Variants in PLCL1 observed in about 807,000 individuals in gnomAD.
PLCL1 encodes the protein inactive phospholipase C-like protein 1.
In PLCL1, 41 loss-of-function variants were observed where a neutral mutation model predicts 84.4. That is an observed-to-expected ratio of 0.49 (90% CI 0.38 to 0.63). The LOEUF (loss-of-function observed/expected upper bound fraction) is 0.63. Ranked by LOEUF, PLCL1 falls within the 30% of genes least tolerant of loss-of-function variation. The pLI, the probability that PLCL1 is intolerant of heterozygous loss-of-function variation, is 0.00. For synonymous variants in PLCL1, 490 were observed against 488.3 expected (o/e 1.00, Z -0.05); for missense variants, 1,206 against 1,367.8 (o/e 0.88, Z 1.87).
chr2:197,988,355 T>C (rs2105810425), intron 1 of PLCL1, among the ~76,000 whole-genome samples: 1 of 152,112 alleles, frequency 6.6e-6, no homozygotes, highest in East Asian at 1.9e-4. Context: ...TTGTACCCAA[T>C]ATGTAGTATT....
In PLCL1 at chr2:198,084,663, G is replaced by A. The variant is rs754246406; in HGVS notation, c.1146G>A (p.Leu382=). 5 of 1,614,000 alleles carry A rather than the reference G, an allele frequency of 3.1e-6. No homozygotes were observed. Among genetic ancestry groups the A allele is most frequent in the Non-Finnish European group, 4.2e-6 (5 of 1,179,960 alleles). The change falls in exon 2 of 6, where the codon TTG becomes TTA. Residue 382 remains leucine, a synonymous_variant. Transcript: ENST00000428675. ...TTGATGGCTTTACCCAGTATTTATT[G>A]TCATCAGAATGTGACATTTTTGATC... The part of the protein sequence containing the change: ...LAIDGFTQYL[L]SSECDIFDPE...
intron 3 of PLCL1, 30 bp downstream of exon 3, chr2:198,089,091 CGT>C (rs112485917): frequency 1.3e-3 from 1,855 of 1,478,538 alleles, no homozygotes; most frequent in Non-Finnish European, 1.5e-3. Context: ...TATTTTTTTA[CGT>C]GTGTGTGTGT....
chr2:198,006,093 A>G (rs1391444839), intron 1 of PLCL1, among the ~76,000 whole-genome samples: 1 of 152,220 alleles, frequency 6.6e-6, no homozygotes, highest in African/African-American at 2.4e-5. Flanking sequence ...AAAGAGGGAC[A>G]GTTCACCAGT....
intron 1 of PLCL1, among the ~76,000 whole-genome samples, chr2:197,895,425 C>T (rs1222429531): frequency 6.6e-6 from 1 of 151,766 alleles, no homozygotes; most frequent in Non-Finnish European, 1.5e-5. Context: ...CATATATATA[C>T]ATATAAAGCA....
chr2:198,001,991 C>A, intron 1 of PLCL1: 1 of 440,110 alleles, frequency 2.3e-6, no homozygotes, highest in Non-Finnish European at 4.6e-6. Flanking sequence ...TCAGAGTTTC[C>A]ACTGATTCTT....
chr2:198,093,576 A>G (rs1423757040), intron 3 of PLCL1, among the ~76,000 whole-genome samples: 1 of 152,174 alleles, frequency 6.6e-6, no homozygotes, highest in Non-Finnish European at 1.5e-5. Context: ...TGGTGTGGGG[A>G]GAAGGTATTC....
chr2:198,019,696 T>G (rs915143448), intron 1 of PLCL1, among the ~76,000 whole-genome samples: 36 of 152,116 alleles, frequency 2.4e-4, no homozygotes, highest in Non-Finnish European at 4.7e-4. Context: ...AAAGAAAGAA[T>G]GAAAAGGAAG....
chr2:198,044,172 T>C (rs1691734077), intron 1 of PLCL1, among the ~76,000 whole-genome samples: 2 of 152,312 alleles, frequency 1.3e-5, no homozygotes, highest in Admixed American at 6.5e-5. Context: ...TGAGACTTCT[T>C]AAATACGAAA....
In PLCL1 at chr2:198,085,005, C is replaced by T. The variant is rs1307899944; in HGVS notation, c.1488C>T (p.Ser496=). The change falls in exon 2 of 6, where the codon TCC becomes TCT. Residue 496 remains serine (S), a synonymous_variant. Coordinates refer to ENST00000428675, the MANE Select transcript of PLCL1 (RefSeq NM_006226.4). The surrounding 1 kb of genome is among the most constrained non-coding windows in gnomAD (Gnocchi z 5.3). ...TTCTTTGCTTGGGAAATCACTGCTC[C>T]TTGCCGCAGCAGAAGGTAATGGCTC... The part of the protein sequence containing the change: ...PLILCLGNHC[S]LPQQKVMAQQ... 1 of 1,614,038 alleles carries T rather than the reference C, an allele frequency of 6.2e-7. No homozygotes were observed.
intron 1 of PLCL1, among the ~76,000 whole-genome samples, chr2:198,062,711 T>C (rs1033428254): frequency 6.6e-6 from 1 of 152,200 alleles, no homozygotes; most frequent in Non-Finnish European, 1.5e-5. Flanking sequence ...TAAGAATCAC[T>C]TGGGGGTGAG....
chr2:197,834,798 G>A (rs1691148266), intron 1 of PLCL1, among the ~76,000 whole-genome samples: 1 of 152,120 alleles, frequency 6.6e-6, no homozygotes, highest in African/African-American at 2.4e-5. Flanking sequence ...CCCATTACTG[G>A]GTATATACCC....
At chr2:197,897,964 T>C (rs1688187646) in intron 1 of PLCL1, among the ~76,000 whole-genome samples, 2 of 152,238 alleles carry the variant, frequency 1.3e-5, no homozygotes, top group African/African-American at 4.8e-5. Flanking sequence ...AAAGTTCTTA[T>C]GCTACAGTTG....
intron 1 of PLCL1, among the ~76,000 whole-genome samples, chr2:197,839,781 T>A (rs1323156968): frequency 6.6e-6 from 1 of 152,242 alleles, no homozygotes; most frequent in African/African-American, 2.4e-5. Flanking sequence ...AGCAAAATTA[T>A]CCATATATGA....
At chr2:197,806,161 C>T (rs1158510748) in intron 1 of PLCL1, among the ~76,000 whole-genome samples, 5 of 152,156 alleles carry the variant, frequency 3.3e-5, no homozygotes, top group African/African-American at 1.2e-4. Flanking sequence ...CGCACAGGCT[C>T]TGGAAAAGGG....
intron 1 of PLCL1, among the ~76,000 whole-genome samples, chr2:197,903,571 C>T (rs1688313617): frequency 7.0e-6 from 1 of 142,320 alleles, no homozygotes; most frequent in South Asian, 2.3e-4. Flanking sequence ...GCAAGCTCCT[C>T]CTCCCGGGTT....
chr2:198,123,754 A>G (rs1187845530), intron 5 of PLCL1, among the ~76,000 whole-genome samples: 1 of 152,114 alleles, frequency 6.6e-6, no homozygotes, highest in Non-Finnish European at 1.5e-5. Context: ...GATCAGCAGC[A>G]GCATTAGATT....
intron 3 of PLCL1, among the ~76,000 whole-genome samples, chr2:198,100,614 G>C (rs986534): frequency 0.54 from 82,106 of 151,918 alleles, 24,275 homozygotes; most frequent in East Asian, 0.8. Flanking sequence ...CATTCAGTAA[G>C]CAAGGGAGAA....
At chr2:197,904,511 T>C (rs1279239018) in intron 1 of PLCL1, among the ~76,000 whole-genome samples, 1 of 152,190 alleles carries the variant, frequency 6.6e-6, no homozygotes, top group Non-Finnish European at 1.5e-5. Context: ...TTCTTGGCAA[T>C]ACACTGAGCA....
intron 1 of PLCL1, among the ~76,000 whole-genome samples, chr2:197,860,493 G>A (rs574467238): frequency 2.2e-4 from 34 of 152,070 alleles, no homozygotes; most frequent in African/African-American, 8.0e-4. Context: ...TACTCCCTCC[G>A]GTAGTGTATA....
Sources: gnomAD v4.1 joint callset for allele counts (sites outside exome capture counted in the v4.1 genomes callset) on GRCh38, gnomAD v4.1.1 for gene constraint, Gnocchi (gnomAD v3.1) non-coding constraint, MANE v1.5 for transcripts, NCBI Gene and HGNC (gene_info 2026-07-23, HGNC 2026-07-21) for gene names.